IMMP2L: variants seen among roughly 807,000 people sequenced by gnomAD.
The protein encoded by IMMP2L is mitochondrial inner membrane protease subunit 2.
Under a neutral mutation model 19.3 loss-of-function variants are expected in IMMP2L, and 18 were observed. The observed-to-expected ratio is 0.93, with a 90% CI of 0.64 to 1.38. The LOEUF is 1.38. IMMP2L is among the 40% of genes most tolerant of loss of function. The pLI is 0.00. For synonymous variants in IMMP2L, 76 were observed against 73.0 expected (o/e 1.04, Z -0.21); for missense variants, 233 against 218.2 (o/e 1.07, Z -0.43).
intron 5 of IMMP2L, among the ~76,000 whole-genome samples, chr7:110,846,501 G>A (rs1441952978): frequency 1.3e-5 from 2 of 151,876 alleles, no homozygotes; most frequent in East Asian, 1.9e-4. Context: ...GAGTAGCTGG[G>A]ACTACTGGCG....
intron 3 of IMMP2L, among the ~76,000 whole-genome samples, chr7:110,979,794 T>C (rs908068379): frequency 7.2e-5 from 11 of 152,112 alleles, no homozygotes; most frequent in African/African-American, 2.7e-4. Context: ...GTGGAAAGGA[T>C]GGAAAGTGTG....
At chr7:111,009,212 A>G (rs922399353) in intron 3 of IMMP2L, among the ~76,000 whole-genome samples, 5 of 152,098 alleles carry the variant, frequency 3.3e-5, no homozygotes, top group Admixed American at 3.3e-4. Flanking sequence ...TCTAGAAAAG[A>G]TTTTGCCCAC....
chr7:111,194,769 G>T (rs1168999848), intron 3 of IMMP2L, among the ~76,000 whole-genome samples: 1 of 152,028 alleles, frequency 6.6e-6, no homozygotes, highest in African/African-American at 2.4e-5. Context: ...AAGTCTGTGA[G>T]GTAGGCATTA....
intron 5 of IMMP2L, among the ~76,000 whole-genome samples, chr7:110,867,817 T>G (rs1225101868): frequency 6.6e-6 from 1 of 152,000 alleles, no homozygotes; most frequent in Non-Finnish European, 1.5e-5. Context: ...TAAGCATGAC[T>G]ACACTCAAAT....
chr7:111,428,381 A>G (rs970256222), intron 3 of IMMP2L, among the ~76,000 whole-genome samples: 4 of 151,822 alleles, frequency 2.6e-5, no homozygotes, highest in African/African-American at 9.7e-5. Flanking sequence ...AGGACTGGAA[A>G]AAAATTCTAT....
intron 5 of IMMP2L, among the ~76,000 whole-genome samples, chr7:110,745,707 A>AT (rs1463914501): frequency 3.3e-5 from 5 of 152,200 alleles, no homozygotes; most frequent in African/African-American, 1.2e-4. Context: ...ATGCTGAGAG[A>AT]TTTTGTCACC....
At chr7:111,288,281 T>G (rs1458312222) in intron 3 of IMMP2L, among the ~76,000 whole-genome samples, 1 of 152,070 alleles carries the variant, frequency 6.6e-6, no homozygotes, top group Non-Finnish European at 1.5e-5. Context: ...GTTAATAAAA[T>G]TAACTCAAGA....
intron 3 of IMMP2L, chr7:111,411,339 A>T (rs1427880288): frequency 1.8e-5 from 7 of 399,640 alleles, no homozygotes; most frequent in African/African-American, 1.1e-4. Context: ...CCCAGGACCT[A>T]GCCAAAGCCC....
chr7:111,218,400 G>A (rs534824227), intron 3 of IMMP2L, among the ~76,000 whole-genome samples: 8 of 151,600 alleles, frequency 5.3e-5, no homozygotes, highest in South Asian at 2.1e-4. Flanking sequence ...ATGTTGTATC[G>A]CCTACATTTA....
intron 3 of IMMP2L, among the ~76,000 whole-genome samples, chr7:111,411,073 T>C (rs1482701589): frequency 4.3e-5 from 5 of 115,862 alleles, no homozygotes; most frequent in Non-Finnish European, 9.1e-5. Flanking sequence ...AACCATGACA[T>C]GATATAATCA....
intron 5 of IMMP2L, among the ~76,000 whole-genome samples, chr7:110,701,633 C>A (rs1338333417): frequency 6.6e-6 from 1 of 152,106 alleles, no homozygotes; most frequent in Non-Finnish European, 1.5e-5. Flanking sequence ...CCATGTTGGC[C>A]AGGCTGGTCT....
chr7:110,677,176 A>G (rs1792365601), intron 5 of IMMP2L, among the ~76,000 whole-genome samples: 1 of 152,218 alleles, frequency 6.6e-6, no homozygotes, highest in South Asian at 2.1e-4. Flanking sequence ...TTCCTTTAAT[A>G]AATAGCATAA....
At chr7:110,777,567 C>A (rs1799475268) in intron 5 of IMMP2L, among the ~76,000 whole-genome samples, 1 of 151,908 alleles carries the variant, frequency 6.6e-6, no homozygotes, top group African/African-American at 2.4e-5. Flanking sequence ...AGGAATACTG[C>A]TGAGAAAGCT....
At chr7:111,086,335 G>C (rs890079394) in intron 3 of IMMP2L, among the ~76,000 whole-genome samples, 1 of 151,964 alleles carries the variant, frequency 6.6e-6, no homozygotes, top group African/African-American at 2.4e-5. Context: ...AGCTACTCTG[G>C]AAGCTGAGGT....
At chr7:110,674,978 CAT>C (rs1220778852) in intron 5 of IMMP2L, among the ~76,000 whole-genome samples, 2 of 152,212 alleles carry the variant, frequency 1.3e-5, no homozygotes, top group Non-Finnish European at 2.9e-5. Context: ...CAGTCCAATT[CAT>C]ATCCATTTGT....
intron 5 of IMMP2L, among the ~76,000 whole-genome samples, chr7:110,842,177 T>G (rs1478693997): frequency 6.6e-6 from 1 of 152,162 alleles, no homozygotes; most frequent in Non-Finnish European, 1.5e-5. Flanking sequence ...ATTTGGGGAT[T>G]TTTTTTCCTC....
At chr7:111,131,146 T>C (rs983116561) in intron 3 of IMMP2L, among the ~76,000 whole-genome samples, 6 of 150,744 alleles carry the variant, frequency 4.0e-5, no homozygotes, top group African/African-American at 1.5e-4. Context: ...ATTTTAAAAG[T>C]AGAAAAAAAA....
chr7:110,906,085 A>G (rs1201312041), intron 4 of IMMP2L, among the ~76,000 whole-genome samples: 1 of 152,224 alleles, frequency 6.6e-6, no homozygotes, highest in Non-Finnish European at 1.5e-5. Flanking sequence ...ATTTTTCCCC[A>G]GCCTTTCACA....
chr7:111,475,713 C>G (rs189348004), intron 3 of IMMP2L, among the ~76,000 whole-genome samples: 18 of 152,208 alleles, frequency 1.2e-4, no homozygotes, highest in Non-Finnish European at 2.2e-4. Flanking sequence ...ATTTCTACCA[C>G]TATCTTATTT....
Sources: gnomAD v4.1 joint callset for allele counts (sites outside exome capture counted in the v4.1 genomes callset) on GRCh38, gnomAD v4.1.1 for gene constraint, MANE v1.5 for transcripts, NCBI Gene and HGNC (gene_info 2026-07-23, HGNC 2026-07-21) for gene names.